Variants in ASTN1 observed in about 807,000 individuals in gnomAD.
ASTN1 encodes astrotactin 1, also known as astrotactin-1.
A neutral mutation model predicts 140.7 loss-of-function variants in ASTN1; 41 were observed. The ratio of observed to expected loss-of-function variants is 0.29; its 90% CI spans 0.23 to 0.38. ASTN1 has a LOEUF of 0.38. Ranked by LOEUF, ASTN1 falls within the 10% of genes least tolerant of loss-of-function variation. The pLI is 1.00. For synonymous variants in ASTN1, 640 were observed against 652.2 expected (o/e 0.98, Z 0.29); for missense variants, 1,479 against 1,678.8 (o/e 0.88, Z 2.08).
intron 1 of ASTN1, among the ~76,000 whole-genome samples, chr1:177,135,199 TAGTGGCCCTGAACCAGCTC>T (rs1479244079): frequency 1.3e-5 from 2 of 152,076 alleles, no homozygotes; most frequent in African/African-American, 4.8e-5. Context: ...ATCACATCAG[TAGTGGCCCTGAACCAGCTC>T]GATGGGTGCT....
intron 16 of ASTN1, among the ~76,000 whole-genome samples, chr1:176,902,162 G>A (rs1338823748): frequency 3.4e-5 from 5 of 146,460 alleles, no homozygotes; most frequent in African/African-American, 7.3e-5. Context: ...GATGTCTTTC[G>A]GAAAAATGAA....
intron 1 of ASTN1, among the ~76,000 whole-genome samples, chr1:177,081,765 TTACTC>T (rs1406896120): frequency 3.9e-5 from 6 of 152,108 alleles, no homozygotes; most frequent in South Asian, 2.1e-4. Flanking sequence ...AGTTTGAACT[TTACTC>T]TACAGATGAA....
intron 8 of ASTN1, among the ~76,000 whole-genome samples, chr1:177,002,831 T>C (rs1674799078): frequency 6.6e-6 from 1 of 152,120 alleles, no homozygotes; most frequent in Non-Finnish European, 1.5e-5. Flanking sequence ...TTTTTTAAAA[T>C]ATCCAGTTCG....
intron 17 of ASTN1, among the ~76,000 whole-genome samples, chr1:176,889,691 T>C (rs1669184392): frequency 6.6e-6 from 1 of 152,172 alleles, no homozygotes; most frequent in African/African-American, 2.4e-5. Flanking sequence ...ATTATAACTA[T>C]CATTTGTGCA....
intron 11 of ASTN1, among the ~76,000 whole-genome samples, chr1:176,950,743 G>C (rs1029387796): frequency 1.3e-5 from 2 of 152,014 alleles, no homozygotes; most frequent in African/African-American, 4.8e-5. Flanking sequence ...CTGGGGGTCT[G>C]TCCAGATCTG....
Position 176,894,665 on chromosome 1 carries a change from C to T in ASTN1, c.2837G>A (p.Cys946Tyr). 2.5e-6 allele frequency: 4 copies of T among 1,614,146 alleles called. No individual in the cohort carries two copies. Among genetic ancestry groups the T allele is most frequent in the Non-Finnish European group, 3.4e-6 (4 of 1,180,030 alleles). Residue 946 changes from cysteine (C) to tyrosine (Y), a missense_variant, in exon 17 of 23, where the codon TGT becomes TAT. By Grantham distance (194) the Cys-to-Tyr change is radical (BLOSUM62 -2). Transcript: ENST00000361833. The part of the protein sequence containing the change: ...KGRCPSSCPL[C>Y]HVTSSPDTPA... The stretch of plus-strand genomic sequence containing the variant: ...GGTGTCAGGGCTGGATGTCACATGA[C>T]ACAGGGGGCAGGACGAGGGGCATCG...
chr1:177,020,304 G>A (rs1320843376), intron 7 of ASTN1, among the ~76,000 whole-genome samples: 2 of 152,196 alleles, frequency 1.3e-5, no homozygotes, highest in African/African-American at 4.8e-5. Context: ...TTTAACATGA[G>A]TTTCACTGGG....
At chr1:176,943,423 G>T (rs1671823272) in intron 14 of ASTN1, among the ~76,000 whole-genome samples, 1 of 152,158 alleles carries the variant, frequency 6.6e-6, no homozygotes, top group Non-Finnish European at 1.5e-5. Flanking sequence ...CACACAGCTA[G>T]AAAGTAGCAG....
At chr1:177,113,664 A>G (rs540792283) in intron 1 of ASTN1, among the ~76,000 whole-genome samples, 3 of 152,332 alleles carry the variant, frequency 2.0e-5, no homozygotes, top group African/African-American at 7.2e-5. Context: ...CCCCAGTTCC[A>G]GAAGCTGGGC....
At chr1:176,990,239 G>A (rs376640760) in intron 8 of ASTN1, among the ~76,000 whole-genome samples, 11 of 141,752 alleles carry the variant, frequency 7.8e-5, no homozygotes, top group African/African-American at 1.8e-4. Flanking sequence ...CAGCAGGGGT[G>A]GGGGGGTGGG....
At chr1:176,943,515 C>T (rs1347676096) in intron 14 of ASTN1, among the ~76,000 whole-genome samples, 1 of 152,098 alleles carries the variant, frequency 6.6e-6, no homozygotes, top group Non-Finnish European at 1.5e-5. Flanking sequence ...TGCCAGGAAA[C>T]CCAACAGTAG....
intron 2 of ASTN1, among the ~76,000 whole-genome samples, chr1:177,037,952 C>A (rs1181930587): frequency 1.3e-5 from 2 of 152,176 alleles, no homozygotes; most frequent in Non-Finnish European, 2.9e-5. Flanking sequence ...ACATTTTCAG[C>A]ACTTACTTAA....
chr1:176,984,395 T>C (rs1673786699), intron 8 of ASTN1, among the ~76,000 whole-genome samples: 1 of 152,156 alleles, frequency 6.6e-6, no homozygotes, highest in South Asian at 2.1e-4. Flanking sequence ...ATTAGAACCA[T>C]CTAAAAACAA....
At chr1:177,067,655 C>T (rs890250291) in intron 1 of ASTN1, among the ~76,000 whole-genome samples, 1 of 152,160 alleles carries the variant, frequency 6.6e-6, no homozygotes, top group African/African-American at 2.4e-5. Context: ...TAGGGGATCA[C>T]TAATTATCCT....
chr1:176,966,246 C>A (rs1672878441), intron 8 of ASTN1, among the ~76,000 whole-genome samples: 2 of 152,270 alleles, frequency 1.3e-5, no homozygotes, highest in South Asian at 4.1e-4. Flanking sequence ...GGGACTAATT[C>A]TAATACTAGG....
intron 1 of ASTN1, among the ~76,000 whole-genome samples, chr1:177,142,595 T>C (rs948812567): frequency 6.6e-6 from 1 of 152,132 alleles, no homozygotes; most frequent in African/African-American, 2.4e-5. Context: ...ACATCACTGC[T>C]ACTCTTCACA....
intron 8 of ASTN1, among the ~76,000 whole-genome samples, chr1:177,013,228 A>G (rs1307739355): frequency 6.6e-6 from 1 of 152,136 alleles, no homozygotes; most frequent in Non-Finnish European, 1.5e-5. Context: ...AAACTGAGCA[A>G]TCCTTCATTT....
intron 1 of ASTN1, among the ~76,000 whole-genome samples, chr1:177,096,746 C>A (rs1037461884): frequency 6.6e-6 from 1 of 152,142 alleles, no homozygotes; most frequent in African/African-American, 2.4e-5. Context: ...CCTCCTTCAC[C>A]TTCTACCATC....
chr1:177,024,546 G>C (rs772928242), intron 6 of ASTN1, 37 bp downstream of exon 6: 1 of 1,601,274 alleles, frequency 6.2e-7, no homozygotes. Flanking sequence ...TTTCCTTTTT[G>C]GGGGGCAAGG....
Sources: allele counts gnomAD v4.1 joint callset (sites outside exome capture counted in the v4.1 genomes callset), GRCh38; gene constraint gnomAD v4.1.1; transcripts MANE v1.5; gene names NCBI Gene and HGNC (gene_info 2026-07-23, HGNC 2026-07-21).